The following RARB variants were observed in gnomAD, a reference collection of about 807,000 sequenced individuals.
The protein encoded by RARB is retinoic acid receptor beta.
RARB carries 17 observed loss-of-function variants against 51.9 expected under a neutral mutation model. The ratio of observed to expected loss-of-function variants is 0.33; its 90% confidence interval spans 0.22 to 0.49. RARB has a LOEUF of 0.49. RARB is among the 20% of genes least tolerant of loss of function. The probability of loss-of-function intolerance (pLI) is 0.99; values close to 1 mark genes in which losing one functional copy is unlikely to be tolerated. For synonymous variants in RARB, 215 were observed against 195.4 expected (o/e 1.10, Z -0.84); for missense variants, 369 against 550.8 (o/e 0.67, Z 3.30).
At chr3:24,926,065 T>G (rs1050507503) in intron 2 of RARB, among the ~76,000 whole-genome samples, 1 of 152,126 alleles carries the variant, frequency 6.6e-6, no homozygotes, top group Non-Finnish European at 1.5e-5. Context: ...TCACAAGCCT[T>G]TGACATTTAT....
intron 2 of RARB, among the ~76,000 whole-genome samples, chr3:25,007,285 T>G (rs1441074777): frequency 1.3e-5 from 2 of 152,136 alleles, no homozygotes; most frequent in Non-Finnish European, 2.9e-5. Context: ...AGTACCTAAT[T>G]AATAAAGGAT....
chr3:25,585,201 C>T (rs539306429), intron 5 of RARB, among the ~76,000 whole-genome samples: 13 of 152,226 alleles, frequency 8.5e-5, no homozygotes, highest in Admixed American at 7.2e-4. Context: ...TGAAGTAGCA[C>T]GTAGAGCTTG....
At chr3:25,257,932 C>T (rs370183969) in intron 5 of RARB, among the ~76,000 whole-genome samples, 17 of 152,124 alleles carry the variant, frequency 1.1e-4, no homozygotes, top group African/African-American at 4.1e-4. Context: ...AGTTGAGCCC[C>T]TTCATCATTT....
chr3:25,092,928 T>C (rs1448703508), intron 3 of RARB, among the ~76,000 whole-genome samples: 2 of 152,198 alleles, frequency 1.3e-5, no homozygotes, highest in African/African-American at 2.4e-5. Context: ...CTGAGACATT[T>C]CTTATAGCAT....
At chr3:25,495,996 C>A (rs911904442) in intron 2 of RARB, among the ~76,000 whole-genome samples, 2 of 152,172 alleles carry the variant, frequency 1.3e-5, no homozygotes, top group Admixed American at 6.5e-5. Flanking sequence ...TGAGCTGATT[C>A]CAACTCAGAT....
At chr3:25,177,359 A>G (rs1425493430) in intron 5 of RARB, among the ~76,000 whole-genome samples, 1 of 152,214 alleles carries the variant, frequency 6.6e-6, no homozygotes, top group African/African-American at 2.4e-5. Flanking sequence ...AATTCTGTAA[A>G]GACTCAATAA....
chr3:25,098,181 C>T (rs186154180), intron 3 of RARB, among the ~76,000 whole-genome samples: 1 of 151,888 alleles, frequency 6.6e-6, no homozygotes, highest in Non-Finnish European at 1.5e-5. Context: ...GGAGCAGAGG[C>T]CTGAAGGGTG....
chr3:25,347,774 A>G (rs1329999969), intron 5 of RARB, among the ~76,000 whole-genome samples: 1 of 152,204 alleles, frequency 6.6e-6, no homozygotes, highest in Non-Finnish European at 1.5e-5. Flanking sequence ...AGTGAATGCA[A>G]TGAAACTCCA....
chr3:24,902,260 C>T (rs531889349), intron 2 of RARB, among the ~76,000 whole-genome samples: 6 of 152,034 alleles, frequency 3.9e-5, no homozygotes, highest in African/African-American at 7.2e-5. Context: ...TTTATATTTC[C>T]GCTAGGTTAA....
At chr3:25,350,941 G>A (rs988075076) in intron 5 of RARB, among the ~76,000 whole-genome samples, 2 of 152,170 alleles carry the variant, frequency 1.3e-5, no homozygotes, top group African/African-American at 4.8e-5. Flanking sequence ...CAATCATGGG[G>A]TTAGAGGCTT....
At chr3:25,254,511 A>G (rs1702809746) in intron 5 of RARB, among the ~76,000 whole-genome samples, 1 of 152,174 alleles carries the variant, frequency 6.6e-6, no homozygotes, top group Non-Finnish European at 1.5e-5. Context: ...TCACACTGAA[A>G]CAATATCATT....
intron 2 of RARB, among the ~76,000 whole-genome samples, chr3:24,914,448 C>T (rs1695064784): frequency 6.6e-6 from 1 of 152,060 alleles, no homozygotes; most frequent in Non-Finnish European, 1.5e-5. Flanking sequence ...GTAATTCAAC[C>T]TTCCGGATTT....
chr3:25,270,112 T>C (rs568252404), intron 5 of RARB, among the ~76,000 whole-genome samples: 17 of 152,294 alleles, frequency 1.1e-4, no homozygotes, highest in Admixed American at 8.5e-4. Flanking sequence ...CTTCAAAATA[T>C]TAAAAATAGA....
intron 3 of RARB, among the ~76,000 whole-genome samples, chr3:25,077,141 C>T (rs1485707986): frequency 1.3e-5 from 2 of 152,136 alleles, no homozygotes; most frequent in African/African-American, 4.8e-5. Flanking sequence ...TTAATGGGCT[C>T]CTCAAATAGC....
chr3:24,937,043 C>G (rs1695561157), intron 2 of RARB, among the ~76,000 whole-genome samples: 1 of 152,104 alleles, frequency 6.6e-6, no homozygotes. Flanking sequence ...ACTTTTGTGA[C>G]TATTGTCTGT....
chr3:25,457,843 T>C (rs75511149), intron 1 of RARB, among the ~76,000 whole-genome samples: 9,711 of 152,258 alleles, frequency 0.064, 366 homozygotes, highest in East Asian at 0.13. Context: ...GATTAGCTGT[T>C]CTACACGAAC....
chr3:25,427,884 G>T (rs966912866), upstream of RARB, among the ~76,000 whole-genome samples: 1 of 152,134 alleles, frequency 6.6e-6, no homozygotes, highest in African/African-American at 2.4e-5. Flanking sequence ...GGGGCGAGGC[G>T]GTGGGCGGGA....
intron 2 of RARB, among the ~76,000 whole-genome samples, chr3:24,880,998 G>T (rs60636127): frequency 0.014 from 2,061 of 152,298 alleles, 50 homozygotes; most frequent in African/African-American, 0.048. Flanking sequence ...GGTAATCCCT[G>T]TGTGTCAAGG....
intron 3 of RARB, among the ~76,000 whole-genome samples, chr3:25,098,550 A>G (rs1276535045): frequency 6.6e-6 from 1 of 152,166 alleles, no homozygotes; most frequent in East Asian, 1.9e-4. Context: ...GAAAAGATGA[A>G]CCTAGATCAG....
Sources: allele counts gnomAD v4.1 joint callset (sites outside exome capture counted in the v4.1 genomes callset), GRCh38; gene constraint gnomAD v4.1.1; transcripts MANE v1.5; gene names NCBI Gene and HGNC (gene_info 2026-07-23, HGNC 2026-07-21).